The following MAN1C1 variants were observed in gnomAD, a reference collection of about 807,000 sequenced individuals.
MAN1C1 encodes mannosidase alpha class 1C member 1, also known as mannosyl-oligosaccharide 1,2-alpha-mannosidase IC.
MAN1C1 carries 49 observed loss-of-function variants against 71.5 expected under a neutral mutation model. The observed-to-expected ratio is 0.69, with a 90% CI of 0.54 to 0.87. MAN1C1 has a LOEUF of 0.87. Ranked by LOEUF, MAN1C1 falls within the 40% of genes least tolerant of loss-of-function variation. The pLI, the probability that MAN1C1 is intolerant of heterozygous loss-of-function variation, is 0.00. For synonymous variants in MAN1C1, 352 were observed against 343.7 expected (o/e 1.02, Z -0.27); for missense variants, 743 against 835.0 (o/e 0.89, Z 1.36).
chr1:25,688,456 G>A (rs983085081), intron 2 of MAN1C1, among the ~76,000 whole-genome samples: 2 of 152,156 alleles, frequency 1.3e-5, no homozygotes, highest in African/African-American at 4.8e-5. Context: ...GGGGTGGGAG[G>A]GGCTGATGAT....
chr1:25,634,077 T>C lies in MAN1C1; in HGVS notation c.540+15740T>C, dbSNP rs2045422935. ...TAGGGTTTTTTCTGTATATTGATTT[T>C]GTATCATATGACCTTATTGAACCAA... On this transcript the variant is annotated intron_variant, in intron 1 of 11. Transcript: ENST00000374332. This position sits in a 1 kb window ranked among gnomAD's most constrained non-coding sequence, Gnocchi z 4.6. Among the ~76,000 whole-genome samples the C allele has an allele frequency of 6.6e-6, 1 of 152,222 alleles. No homozygotes were observed. Among genetic ancestry groups the C allele is most frequent in the South Asian group, 2.1e-4 (1 of 4,830 alleles).
At chr1:25,734,835 C>A (rs1429479553) in intron 2 of MAN1C1, among the ~76,000 whole-genome samples, 1 of 152,212 alleles carries the variant, frequency 6.6e-6, no homozygotes, top group African/African-American at 2.4e-5. Flanking sequence ...GAAAAGGACA[C>A]AAATTACTGT....
Position 25,733,291 on chromosome 1 carries a change from C to G in MAN1C1, c.638-13377C>G, listed in dbSNP as rs532075544. Among the ~76,000 whole-genome samples the G allele has an allele frequency of 1.2e-4, 19 of 152,276 alleles. 1 individual carries two copies. In the South Asian group the frequency reaches 3.5e-3, roughly 28 times the overall value. On this transcript the variant is annotated intron_variant, in intron 2 of 11. Coordinates refer to ENST00000374332, the MANE Select transcript of MAN1C1 (RefSeq NM_020379.4). ...AGTCCCGTTGGGCCCAGCCACTCATCATACAGCAGCCAGTCAGATCCAGTT... is the reference window on the plus strand; with the variant it reads ...AGTCCCGTTGGGCCCAGCCACTCATGATACAGCAGCCAGTCAGATCCAGTT...
At chr1:25,657,875 C>T (rs896915818) in intron 1 of MAN1C1, among the ~76,000 whole-genome samples, 1 of 152,210 alleles carries the variant, frequency 6.6e-6, no homozygotes, top group Non-Finnish European at 1.5e-5. Flanking sequence ...CATTGAGGCC[C>T]CAGGGATATG....
chr1:25,722,165 C>T (rs2046774943), intron 2 of MAN1C1, among the ~76,000 whole-genome samples: 1 of 152,164 alleles, frequency 6.6e-6, no homozygotes, highest in Non-Finnish European at 1.5e-5. Context: ...GATATCTCGT[C>T]ATTTGTATGT....
rs1225657198 is a variant in MAN1C1 at position 25,693,344 on chromosome 1, C to T, written c.637+6808C>T. 3.9e-5 allele frequency among the ~76,000 whole-genome samples: 6 copies of T among 152,214 alleles called. No individual in the cohort carries two copies. In the South Asian group the frequency reaches 6.2e-4, roughly 16 times the overall value. On this transcript the variant is annotated intron_variant, in intron 2 of 11. Transcript: ENST00000374332. ...AATGGCAGAGGCAGAAGAAAATCTG[C>T]GTTGGCTGGGTCCAGTGGTCCATGT... is the stretch of plus-strand genomic sequence containing the variant.
intron 7 of MAN1C1, among the ~76,000 whole-genome samples, chr1:25,765,862 C>A (rs1177555677): frequency 1.3e-5 from 2 of 152,196 alleles, no homozygotes; most frequent in Admixed American, 6.5e-5. Flanking sequence ...GTAAAAACCA[C>A]TTAGAGAAAT....
intron 1 of MAN1C1, among the ~76,000 whole-genome samples, chr1:25,648,778 C>G (rs868619839): frequency 6.6e-6 from 1 of 152,310 alleles, no homozygotes; most frequent in Non-Finnish European, 1.5e-5. Context: ...CTTACACATT[C>G]AAAAAATCTC....
At chr1:25,762,540 T>C (rs807271) in intron 6 of MAN1C1, among the ~76,000 whole-genome samples, 129,864 of 151,964 alleles carry the variant, frequency 0.85, 55,863 homozygotes, top group East Asian at 0.99. Flanking sequence ...AGTGCTTGTG[T>C]CTCCACCTCC....
Position 25,730,816 on chromosome 1 carries a change from GTT to G in MAN1C1, c.638-15851_638-15850del, listed in dbSNP as rs1491124728. ...CCTTTTCACTCTCCTGCCAGACTCTGTTCATGGAGTCCTGCACCCTTCACCTG... is the reference window on the plus strand; with the variant it reads ...CCTTTTCACTCTCCTGCCAGACTCTGCATGGAGTCCTGCACCCTTCACCTG... On this transcript the variant is annotated intron_variant, in intron 2 of 11. Transcript: ENST00000374332. This position sits in a 1 kb window ranked among gnomAD's most constrained non-coding sequence, Gnocchi z 4.3. 6.6e-6 allele frequency among the ~76,000 whole-genome samples: 1 copy of G among 152,228 alleles called. No homozygotes were observed. The highest frequency in any genetic ancestry group is 2.4e-5 in the African/African-American group (1 of 41,454).
At chr1:25,723,965 G>C (rs1359830542) in intron 2 of MAN1C1, among the ~76,000 whole-genome samples, 1 of 151,730 alleles carries the variant, frequency 6.6e-6, no homozygotes, top group Non-Finnish European at 1.5e-5. Context: ...AAGTGTTTAG[G>C]TAACTCAGGA....
intron 1 of MAN1C1, among the ~76,000 whole-genome samples, chr1:25,640,332 C>A (rs541354730): frequency 6.6e-6 from 1 of 152,130 alleles, no homozygotes; most frequent in African/African-American, 2.4e-5. Flanking sequence ...TTGGAATGAA[C>A]TTTTGAGAGG....
rs771136691 is a variant in MAN1C1, at chr1:25,763,924, C to T, written c.1098C>T (p.Leu366=). The T allele has an allele frequency of 3.3e-5, 54 of 1,613,888 alleles. 1 individual carries two copies. The South Asian group carries it at 4.3e-4, about 13-fold the overall frequency. The change falls in exon 7 of 12, where the codon CTC becomes CTT. Residue 366 remains leucine (L), a synonymous_variant. Transcript: ENST00000374332. ...GGAAGATCGAAAAGCCCTTTGGCCT[C>T]TACCCCAACTTCCTCAGCCCAGTGA... ...VLRKIEKPFG[L]YPNFLSPVSG... is the part of the protein sequence containing the mutation.
At chr1:25,625,056 A>T (rs1180885330) in intron 1 of MAN1C1, among the ~76,000 whole-genome samples, 1 of 123,590 alleles carries the variant, frequency 8.1e-6, no homozygotes, top group East Asian at 2.4e-4. Context: ...TCCAGGCTGG[A>T]GTGCCGTGGC....
At chr1:25,716,271 G>A (rs893551486) in intron 2 of MAN1C1, among the ~76,000 whole-genome samples, 4 of 152,180 alleles carry the variant, frequency 2.6e-5, no homozygotes, top group Non-Finnish European at 5.9e-5. Flanking sequence ...GCAACTAGCA[G>A]ACTTGGCCAT....
intron 1 of MAN1C1, among the ~76,000 whole-genome samples, chr1:25,625,974 T>C (rs1298498481): frequency 6.6e-6 from 1 of 152,240 alleles, no homozygotes; most frequent in African/African-American, 2.4e-5. Context: ...ATTGTATGAT[T>C]ATACCCCAAT....
At position 25,780,943 on chromosome 1, in the gene MAN1C1, C is replaced by A. The variant is rs766601042; in HGVS notation, c.1481C>A (p.Thr494Asn). Reference protein sequence around the residue: ...TCHESYARSDTKLGPEAFWFN... With the variant: ...TCHESYARSDNKLGPEAFWFN... ...CTCTGCTTGGCTGTTTCCCCAGACA[C>A]CAAACTTGGGCCTGAGGCCTTCTGG... is the stretch of plus-strand genomic sequence containing the variant. Residue 494 changes from threonine to asparagine, a missense_variant, in exon 10 of 12, where the codon ACC becomes AAC. Thr to Asn is a moderately conservative substitution (Grantham distance 65). Coordinates refer to ENST00000374332, the MANE Select transcript of MAN1C1 (RefSeq NM_020379.4). 5 of 1,613,846 alleles carry A rather than the reference C, an allele frequency of 3.1e-6. No individual in the cohort carries two copies. The highest frequency in any genetic ancestry group is 4.2e-6 in the Non-Finnish European group (5 of 1,179,814).
At chr1:25,665,011 A>T (rs2124112855) in intron 1 of MAN1C1, among the ~76,000 whole-genome samples, 1 of 152,346 alleles carries the variant, frequency 6.6e-6, no homozygotes, top group South Asian at 2.1e-4. Flanking sequence ...GTTAAGAGTT[A>T]TGGCCACTGA....
Position 25,711,722 on chromosome 1 carries a change from C to T in MAN1C1, c.637+25186C>T, listed in dbSNP as rs1472129850. ...CCCGGGCCCCACTTCCTCCCCTCCTCCGTGGGTGCGCAGCCCAGGCCACTG... is the reference window on the plus strand; with the variant it reads ...CCCGGGCCCCACTTCCTCCCCTCCTTCGTGGGTGCGCAGCCCAGGCCACTG... On this transcript the variant is annotated intron_variant, in intron 2 of 11. Transcript: ENST00000374332. This position sits in a 1 kb window ranked among gnomAD's most constrained non-coding sequence, Gnocchi z 4.3. Among the ~76,000 whole-genome samples the T allele has an allele frequency of 6.6e-6, 1 of 150,976 alleles. No individual in the cohort carries two copies. Among genetic ancestry groups the T allele is most frequent in the African/African-American group, 2.4e-5 (1 of 40,966 alleles).
Sources: allele counts gnomAD v4.1 joint callset (sites outside exome capture counted in the v4.1 genomes callset), GRCh38; gene constraint gnomAD v4.1.1; non-coding constraint Gnocchi (gnomAD v3.1); transcripts MANE v1.5; gene names NCBI Gene and HGNC (gene_info 2026-07-23, HGNC 2026-07-21).